Variants in TOX2 observed in about 807,000 individuals in gnomAD.
The protein encoded by TOX2 is TOX high mobility group box family member 2.
A neutral mutation model predicts 47.4 loss-of-function variants in TOX2; 15 were observed. That is an observed-to-expected ratio of 0.32 (90% CI 0.21 to 0.49). The LOEUF (loss-of-function observed/expected upper bound fraction) is 0.49, where lower values mean the gene tolerates loss of function less well. TOX2 is among the 20% of genes least tolerant of loss of function. The pLI is 0.99. For missense variants in TOX2, 622 were observed against 673.1 expected (o/e 0.92, Z 0.84); for synonymous variants, 290 against 296.6 (o/e 0.98, Z 0.23).
Position 44,065,653 on chromosome 20 carries a change from C to A in TOX2, c.961-59C>A, listed in dbSNP as rs978357670. 4.6e-6 allele frequency: 7 copies of A among 1,525,814 alleles called. No individual in the cohort carries two copies. In the African/African-American group the frequency reaches 9.6e-5, roughly 21 times the overall value. 94.5% of individuals were successfully genotyped at this position (1,525,814 alleles called of 1,614,324 possible). A position where few individuals can be genotyped will look rare whatever the true frequency, so the allele number is the denominator to read the frequency against. On this transcript the variant is annotated intron_variant, in intron 6 of 8. Transcript: ENST00000341197. ...GTTGCAGAGCCTCCTGGCCTCACAG[C>A]CCATGTTCTGGCTCATCCCTCTTCT...
At chr20:44,034,374 C>A in intron 3 of TOX2, among the ~76,000 whole-genome samples, 1 of 152,180 alleles carries the variant, frequency 6.6e-6, no homozygotes, top group East Asian at 1.9e-4. Flanking sequence ...CTGCCTCCCC[C>A]ACCAGAATGT....
intron 1 of TOX2, among the ~76,000 whole-genome samples, chr20:43,956,390 A>T (rs539353585): frequency 7.4e-4 from 113 of 152,056 alleles, no homozygotes; most frequent in African/African-American, 2.3e-3. Context: ...ATGAAACCCC[A>T]TCTCTACTAA....
At chr20:44,048,950 A>G (rs563442766) in intron 3 of TOX2, among the ~76,000 whole-genome samples, 1 of 152,342 alleles carries the variant, frequency 6.6e-6, no homozygotes, top group East Asian at 1.9e-4. Context: ...AAGCCTGGCC[A>G]ATATGGCGAA....
At chr20:44,028,047 A>C (rs1296493356) in intron 3 of TOX2, among the ~76,000 whole-genome samples, 2 of 152,162 alleles carry the variant, frequency 1.3e-5, no homozygotes, top group African/African-American at 4.8e-5. Flanking sequence ...TCATAAATGG[A>C]GCACACAACC....
chr20:44,042,834 T>G (rs2071354588), intron 3 of TOX2, among the ~76,000 whole-genome samples: 1 of 152,126 alleles, frequency 6.6e-6, no homozygotes, highest in Non-Finnish European at 1.5e-5. Context: ...TATAGAGAGA[T>G]ATTAATTGCT....
At position 43,929,870 on chromosome 20, in the gene TOX2, C is replaced by T. The variant is rs566367895; in HGVS notation, c.99+14880C>T. ...GATTACAGGAACACACCACCATGCC[C>T]GGCTACTTTTTGTATTTTTAGTAGA... On this transcript the variant is annotated intron_variant, in intron 1 of 8. Transcript: ENST00000341197. 2.2e-4 allele frequency among the ~76,000 whole-genome samples: 34 copies of T among 152,106 alleles called. No homozygotes were observed. The South Asian group carries it at 3.9e-3, about 18-fold the overall frequency.
chr20:44,039,235 C>T, intron 3 of TOX2: 2 of 1,289,224 alleles, frequency 1.6e-6, no homozygotes, highest in African/African-American at 1.5e-5. Flanking sequence ...TTCAGGTAAG[C>T]CATAAAGGAG....
chr20:44,067,088 T>C (rs765294604), intron 8 of TOX2, among the ~76,000 whole-genome samples: 2 of 152,208 alleles, frequency 1.3e-5, no homozygotes, highest in Non-Finnish European at 2.9e-5. Flanking sequence ...GTCTTCAGTC[T>C]TGCTGCTTCT....
chr20:43,971,294 G>A (rs765824014), intron 1 of TOX2, among the ~76,000 whole-genome samples: 2 of 152,228 alleles, frequency 1.3e-5, no homozygotes, highest in Non-Finnish European at 2.9e-5. Context: ...CATAAGCAAT[G>A]AATATAGTAA....
intron 5 of TOX2, among the ~76,000 whole-genome samples, chr20:44,063,713 A>G (rs2071760426): frequency 6.6e-6 from 1 of 152,140 alleles, no homozygotes; most frequent in Non-Finnish European, 1.5e-5. Context: ...CCCATCAATC[A>G]ATGAGTAAAG....
intron 1 of TOX2, among the ~76,000 whole-genome samples, chr20:43,931,754 CAG>C (rs113661690): frequency 1.3e-5 from 2 of 152,270 alleles, no homozygotes; most frequent in African/African-American, 4.8e-5. Context: ...GCCTGTGGCT[CAG>C]GGGAGAATTG....
At chr20:43,946,938 C>T (rs2069483846) in intron 1 of TOX2, among the ~76,000 whole-genome samples, 1 of 152,166 alleles carries the variant, frequency 6.6e-6, no homozygotes, top group Admixed American at 6.5e-5. Flanking sequence ...GCATGTGTGT[C>T]CCAGCAAAAG....
At chr20:44,032,096 CG>C (rs2071163016) in intron 3 of TOX2, among the ~76,000 whole-genome samples, 2 of 151,930 alleles carry the variant, frequency 1.3e-5, no homozygotes, top group Admixed American at 6.5e-5. Flanking sequence ...GGCAGGGGAG[CG>C]GGTTGCAGTA....
intron 7 of TOX2, 25 bp downstream of exon 7, chr20:44,066,132 C>G (rs2071817309): frequency 6.7e-7 from 1 of 1,501,908 alleles, no homozygotes; most frequent in African/African-American, 1.4e-5. Context: ...GCAGAACAGC[C>G]CTTCTGTGAC....
chr20:43,999,149 T>G (rs561981226), intron 2 of TOX2, among the ~76,000 whole-genome samples: 1 of 152,356 alleles, frequency 6.6e-6, no homozygotes, highest in South Asian at 2.1e-4. Flanking sequence ...TAAAAATATT[T>G]TGTCTTTTAA....
intron 3 of TOX2, among the ~76,000 whole-genome samples, chr20:44,028,445 G>T (rs531454261): frequency 2.0e-5 from 3 of 152,204 alleles, no homozygotes; most frequent in African/African-American, 7.2e-5. Flanking sequence ...TCGCTGCAGC[G>T]CTTAGAGCTG....
At chr20:43,940,537 C>T (rs61364255) in intron 1 of TOX2, among the ~76,000 whole-genome samples, 28,085 of 150,254 alleles carry the variant, frequency 0.19, 3,603 homozygotes, top group East Asian at 0.37. Flanking sequence ...TTTTTTTTTT[C>T]CCCCAGGAAA....
rs1446412979 is a variant in TOX2 at position 44,065,997 on chromosome 20, C to T, written c.1246C>T (p.Leu416Phe). The T allele has an allele frequency of 1.2e-6, 2 of 1,612,996 alleles. No homozygotes were observed. The highest frequency in any genetic ancestry group is 2.2e-5 in the South Asian group (2 of 91,014). ...ACTGCCCCCTCACGCCCAGGGCGCC[C>T]TCCTCAGTCCACCTGTTAGCATGTC... ...LSLPPHAQGA[L>F]LSPPVSMSPA... Residue 416 changes from leucine (L) to phenylalanine (F), a missense_variant, in exon 7 of 9, where the codon CTC (leucine) becomes TTC (phenylalanine). This residue lies in a region of TOX2 where 294 missense variants were observed against 300.0 expected (regional missense o/e 0.98). Transcript: ENST00000341197.
intron 5 of TOX2, 152 bp downstream of exon 5, chr20:44,054,678 G>A: frequency 1.2e-6 from 1 of 813,820 alleles, no homozygotes; most frequent in Admixed American, 2.4e-5. Flanking sequence ...CTGTAAACTG[G>A]GAAGCTAGCT....
Sources: gnomAD v4.1 joint callset for allele counts (sites outside exome capture counted in the v4.1 genomes callset) on GRCh38, gnomAD v4.1.1 for gene constraint, gnomAD v4.1.1 regional missense constraint, MANE v1.5 for transcripts, NCBI Gene and HGNC (gene_info 2026-07-23, HGNC 2026-07-21) for gene names.